The following CNTNAP2 variants were observed in gnomAD, a reference collection of about 807,000 sequenced individuals.
CNTNAP2 encodes contactin-associated protein-like 2.
In CNTNAP2, 98 loss-of-function variants were observed where a neutral mutation model predicts 155.2. The ratio of observed to expected loss-of-function variants is 0.63; its 90% CI spans 0.54 to 0.75. The LOEUF (loss-of-function observed/expected upper bound fraction) is 0.75. Among genes scored for constraint, CNTNAP2 ranks in the 30% least tolerant of loss-of-function variants. The probability of loss-of-function intolerance (pLI) is 0.00; values close to 1 mark genes in which losing one functional copy is unlikely to be tolerated. For synonymous variants in CNTNAP2, 651 were observed against 631.2 expected, an observed-to-expected ratio of 1.03 and a Z score of -0.47; for missense variants, 1,727 against 1,688.1, an observed-to-expected ratio of 1.02 and a Z score of -0.40.
chr7:147,367,130 A>G (rs757567304), intron 9 of CNTNAP2, among the ~76,000 whole-genome samples: 10 of 152,228 alleles, frequency 6.6e-5, no homozygotes, highest in African/African-American at 1.9e-4. Context: ...ATAATTTAAC[A>G]TGGTGACCAC....
Position 146,718,089 on chromosome 7 carries a change from C to A in CNTNAP2, c.98-56182C>A, listed in dbSNP as rs200396362. ...TAACAATTACCATCCTGATTTGATA[C>A]AGAAGCCTCCAACTTCAGGTGTTCT... On this transcript the variant is annotated intron_variant, in intron 1 of 23. Transcript: ENST00000361727. Among the ~76,000 whole-genome samples the A allele has an allele frequency of 3.3e-4, 50 of 152,218 alleles. No individual in the cohort carries two copies. The East Asian group carries it at 4.8e-3, about 15-fold the overall frequency.
chr7:146,185,319 C>T (rs1409212278), intron 1 of CNTNAP2, among the ~76,000 whole-genome samples: 2 of 152,086 alleles, frequency 1.3e-5, no homozygotes, highest in Non-Finnish European at 2.9e-5. Flanking sequence ...AAACTGCAGA[C>T]TAAATCAGGC....
At chr7:146,407,430 A>G (rs1404904274) in intron 1 of CNTNAP2, among the ~76,000 whole-genome samples, 1 of 152,190 alleles carries the variant, frequency 6.6e-6, no homozygotes, top group Admixed American at 6.5e-5. Context: ...TTACCAACTC[A>G]AAATATAAAT....
intron 14 of CNTNAP2, among the ~76,000 whole-genome samples, chr7:147,971,564 T>A (rs866881601): frequency 5.9e-5 from 9 of 152,320 alleles, no homozygotes; most frequent in African/African-American, 2.2e-4. Context: ...TTTTTGTGTG[T>A]CTGGCTTCTT....
intron 15 of CNTNAP2, among the ~76,000 whole-genome samples, chr7:148,075,329 C>T (rs532687679): frequency 1.3e-5 from 2 of 152,108 alleles, no homozygotes; most frequent in Admixed American, 1.3e-4. Flanking sequence ...CCCAGCTCCT[C>T]AGATGGCTGA....
chr7:146,830,956 A>G (rs1451277384), intron 2 of CNTNAP2, among the ~76,000 whole-genome samples: 1 of 152,200 alleles, frequency 6.6e-6, no homozygotes. Flanking sequence ...TAATCTACCT[A>G]AAACTGTTAT....
chr7:146,564,632 AT>A (rs1798329817), intron 1 of CNTNAP2, among the ~76,000 whole-genome samples: 1 of 149,894 alleles, frequency 6.7e-6, no homozygotes, highest in African/African-American at 2.4e-5. Context: ...AAAATTAAAA[AT>A]ATGTATAAAC....
chr7:147,480,718 T>C (rs1798406668), intron 10 of CNTNAP2, among the ~76,000 whole-genome samples: 1 of 152,172 alleles, frequency 6.6e-6, no homozygotes, highest in South Asian at 2.1e-4. Flanking sequence ...CTCCTTGTGC[T>C]CCCTTCCTGG....
At chr7:147,520,908 C>T (rs1345562389) in intron 11 of CNTNAP2, among the ~76,000 whole-genome samples, 2 of 152,182 alleles carry the variant, frequency 1.3e-5, no homozygotes, top group African/African-American at 2.4e-5. Context: ...GGTTTTGACT[C>T]TTCACAGATT....
intron 8 of CNTNAP2, among the ~76,000 whole-genome samples, chr7:147,182,125 C>CA (rs10718876): frequency 0.22 from 19,867 of 92,046 alleles, 2,257 homozygotes; most frequent in Non-Finnish European, 0.29. Flanking sequence ...GACTCCATCT[C>CA]AAAAAAAAAA....
intron 3 of CNTNAP2, among the ~76,000 whole-genome samples, chr7:146,849,419 A>G (rs2080723527): frequency 6.6e-6 from 1 of 152,200 alleles, no homozygotes; most frequent in Admixed American, 6.5e-5. Context: ...TTCAGCAAGA[A>G]GTTCCATTAC....
intron 1 of CNTNAP2, among the ~76,000 whole-genome samples, chr7:146,260,293 G>A (rs112122878): frequency 6.6e-6 from 1 of 152,232 alleles, no homozygotes; most frequent in African/African-American, 2.4e-5. Flanking sequence ...GAGGGGAAAT[G>A]TGGGGTTGGA....
intron 15 of CNTNAP2, among the ~76,000 whole-genome samples, chr7:148,085,534 A>G (rs2116554834): frequency 6.6e-6 from 1 of 152,276 alleles, no homozygotes; most frequent in South Asian, 2.1e-4. Flanking sequence ...TTAAAAGAAT[A>G]CCCGTGTTTT....
intron 1 of CNTNAP2, among the ~76,000 whole-genome samples, chr7:146,357,093 G>C (rs1454344756): frequency 6.6e-6 from 1 of 152,104 alleles, no homozygotes; most frequent in Non-Finnish European, 1.5e-5. Flanking sequence ...TTGCCTAAAG[G>C]TCAGATGCTC....
chr7:147,762,155 T>TCACA (rs72526174), intron 13 of CNTNAP2, among the ~76,000 whole-genome samples: 2,917 of 144,388 alleles, frequency 0.02, 55 homozygotes, highest in African/African-American at 0.047. Flanking sequence ...TCTCTCTGTC[T>TCACA]CACACACACA....
In CNTNAP2 at chr7:147,376,446, T is replaced by C. The variant is rs566914723; in HGVS notation, c.1499-19163T>C. On this transcript the variant is annotated intron_variant, in intron 9 of 23. Coordinates refer to ENST00000361727, the MANE Select transcript of CNTNAP2 (RefSeq NM_014141.6). ...GGGTTCATATGTTTTGAAAATGTTA[T>C]CTATTTGAACACTCTGTTATCAGGT... Among the ~76,000 whole-genome samples the C allele has an allele frequency of 3.9e-5, 6 of 152,128 alleles. No homozygotes were observed. The South Asian group carries it at 1.0e-3, about 26-fold the overall frequency.
At chr7:146,385,390 G>GA (rs113751138) in intron 1 of CNTNAP2, among the ~76,000 whole-genome samples, 5,767 of 151,944 alleles carry the variant, frequency 0.038, 165 homozygotes, top group African/African-American at 0.084. Context: ...ACTGGTAACT[G>GA]AAAAAACAAA....
chr7:148,128,038 T>C (rs1804751753), intron 16 of CNTNAP2, among the ~76,000 whole-genome samples: 1 of 152,006 alleles, frequency 6.6e-6, no homozygotes, highest in Admixed American at 6.6e-5. Context: ...CTCGGTTAAT[T>C]TTTGTATTTT....
intron 13 of CNTNAP2, among the ~76,000 whole-genome samples, chr7:147,887,782 T>C (rs779111161): frequency 7.2e-5 from 11 of 152,046 alleles, no homozygotes; most frequent in Non-Finnish European, 1.0e-4. Flanking sequence ...AATGGAAAAA[T>C]CCACTCTACA....
Sources: allele counts gnomAD v4.1 joint callset (sites outside exome capture counted in the v4.1 genomes callset), GRCh38; gene constraint gnomAD v4.1.1; transcripts MANE v1.5; gene names NCBI Gene and HGNC (gene_info 2026-07-23, HGNC 2026-07-21).